GLOD4: variants seen among roughly 807,000 people sequenced by gnomAD.
GLOD4 encodes glyoxalase domain-containing protein 4.
A neutral mutation model predicts 39.1 loss-of-function variants in GLOD4; 44 were observed. That is an observed-to-expected ratio of 1.13 (90% CI 0.88 to 1.45). GLOD4 has a LOEUF of 1.45. Among genes scored for constraint, GLOD4 ranks in the 40% most tolerant of loss-of-function variants. The pLI, the probability that GLOD4 is intolerant of heterozygous loss-of-function variation, is 0.00. For synonymous variants in GLOD4, 145 were observed against 135.0 expected (o/e 1.07, Z -0.52); for missense variants, 405 against 366.4 (o/e 1.11, Z -0.86).
At chr17:768,944 T>TGA (rs1224176796) in intron 8 of GLOD4, among the ~76,000 whole-genome samples, 3 of 152,046 alleles carry the variant, frequency 2.0e-5, no homozygotes, top group Non-Finnish European at 4.4e-5. Flanking sequence ...GGAGAGGATG[T>TGA]GAGAGAGAGA....
chr17:762,695 G>T (rs190166900), intron 8 of GLOD4, among the ~76,000 whole-genome samples: 6 of 140,126 alleles, frequency 4.3e-5, no homozygotes, highest in South Asian at 2.2e-4. Flanking sequence ...TCCAGGCCCC[G>T]GCCTGCACCT....
Position 782,273 on chromosome 17 carries a change from G to A in GLOD4, c.-18C>T. 4 of 1,612,962 alleles carry A rather than the reference G, an allele frequency of 2.5e-6. No homozygotes were observed. The highest frequency in any genetic ancestry group is 3.4e-6 in the Non-Finnish European group (4 of 1,179,346). On this transcript the variant is annotated 5_prime_UTR_variant, in exon 1 of 9. Transcript: ENST00000301329. ...GCAGCCATGATTCCCGCCGCACGCA[G>A]CCGTCACGCGCACCGTACAGCCCAG...
intron 8 of GLOD4, among the ~76,000 whole-genome samples, chr17:768,059 A>G (rs1419313510): frequency 3.4e-5 from 5 of 148,106 alleles, no homozygotes; most frequent in Non-Finnish European, 7.4e-5. Flanking sequence ...GACGTGAGAG[A>G]GAGAAACAGC....
intron 8 of GLOD4, among the ~76,000 whole-genome samples, chr17:765,687 G>A (rs1222100458): frequency 3.3e-5 from 5 of 149,396 alleles, no homozygotes; most frequent in Middle Eastern, 3.4e-3. Context: ...CTTGTGATCC[G>A]CCCGCCTCGG....
chr17:771,289 C>G (rs1275673432), intron 5 of GLOD4, 36 bp downstream of exon 5: 1 of 1,452,538 alleles, frequency 6.9e-7, no homozygotes, highest in East Asian at 2.4e-5. Context: ...AAGCCAAATT[C>G]AAAGTAACAG....
intron 1 of GLOD4, among the ~76,000 whole-genome samples, chr17:780,117 T>C (rs573337747): frequency 1.1e-4 from 16 of 152,068 alleles, no homozygotes; most frequent in African/African-American, 3.4e-4. Context: ...TGAGCCGAGA[T>C]TGCGCCACTG....
At chr17:777,023 A>C in intron 2 of GLOD4, 35 bp from the exon 3 acceptor site, 1 of 1,607,370 alleles carries the variant, frequency 6.2e-7, no homozygotes, top group Non-Finnish European at 8.5e-7. Context: ...CAGTGACTAC[A>C]GACAAGTCAG....
chr17:785,593 G>A (rs943665876), upstream of GLOD4, among the ~76,000 whole-genome samples: 6 of 152,188 alleles, frequency 3.9e-5, no homozygotes, highest in Non-Finnish European at 8.8e-5. Context: ...AAGCTCCCAG[G>A]CTTCTGGACC....
chr17:771,467 G>C lies in GLOD4; in HGVS notation c.407-6C>G, dbSNP rs745555817. 4 of 1,537,066 alleles carry C rather than the reference G, an allele frequency of 2.6e-6. No homozygotes were observed. The East Asian group carries it at 9.1e-5, about 35-fold the overall frequency. ...AGTTACTTTTAATACAGGATCTGTT[G>C]GGTAATAAAGCAGGAATAGACAGAT... On this transcript the variant is annotated splice_region_variant and splice_polypyrimidine_tract_variant and intron_variant, in intron 4 of 8. Coordinates refer to ENST00000301329, the MANE Select transcript of GLOD4 (RefSeq NM_016080.4).
intron 8 of GLOD4, among the ~76,000 whole-genome samples, chr17:762,488 G>A (rs959601958): frequency 3.9e-5 from 5 of 127,810 alleles, no homozygotes; most frequent in Admixed American, 1.5e-4. Context: ...TCCAGGCCCC[G>A]GCCGGCACCT....
intron 3 of GLOD4, 104 bp from the exon 4 acceptor site, chr17:776,023 A>C: frequency 2.4e-6 from 2 of 840,524 alleles, no homozygotes; most frequent in East Asian, 5.1e-5. Flanking sequence ...AGGTAAAATC[A>C]CCTAAGATTT....
chr17:783,311 G>A (rs145139429), upstream of GLOD4: 404 of 1,611,794 alleles, frequency 2.5e-4, no homozygotes, highest in African/African-American at 3.8e-3. Context: ...ACCTCGTAAC[G>A]CCACAAGGAA....
At chr17:770,179 G>A (rs902341073) in intron 6 of GLOD4, 22 bp from the exon 7 acceptor site, 10 of 1,340,364 alleles carry the variant, frequency 7.5e-6, no homozygotes, top group East Asian at 4.6e-5. Flanking sequence ...CAGAGGCAAC[G>A]TGAGCCAGGG....
chr17:768,905 C>T (rs1021172904), intron 8 of GLOD4, among the ~76,000 whole-genome samples: 2 of 149,928 alleles, frequency 1.3e-5, no homozygotes, highest in South Asian at 2.1e-4. Flanking sequence ...AGAAACAGCG[C>T]GCACTCAGAT....
chr17:777,329 C>A (rs1254640376), intron 2 of GLOD4: 1 of 249,764 alleles, frequency 4.0e-6, no homozygotes, highest in African/African-American at 2.2e-5. Flanking sequence ...TTGGACTGTT[C>A]CAACTTGTCA....
At position 768,664 on chromosome 17, in the gene GLOD4, G is replaced by A. The variant is rs192899369; in HGVS notation, c.831+1205C>T. Among the ~76,000 whole-genome samples the A allele has an allele frequency of 3.3e-4, 45 of 137,566 alleles. 1 individual carries two copies. The highest frequency in any genetic ancestry group is 5.6e-4 in the Non-Finnish European group (36 of 64,056). The allele number at this position is 137,566 out of a possible 152,430, so 90.2% of individuals were successfully genotyped here. ...TTAGAAGAAGAAATCTGGAGAGGACGTGAGAGGGAGAAACAGCGCGCACTC... is the reference window on the plus strand; with the variant it reads ...TTAGAAGAAGAAATCTGGAGAGGACATGAGAGGGAGAAACAGCGCGCACTC... On this transcript the variant is annotated intron_variant, in intron 8 of 8. Coordinates refer to ENST00000301329, the MANE Select transcript of GLOD4 (RefSeq NM_016080.4).
At chr17:782,281 G>A (rs373531077), upstream of GLOD4, 11 of 1,612,444 alleles carry the variant, frequency 6.8e-6, no homozygotes, top group Middle Eastern at 1.7e-4. Flanking sequence ...CAGCCGTCAC[G>A]CGCACCGTAC....
chr17:782,311 G>C (rs1355021982), upstream of GLOD4: 1 of 1,610,826 alleles, frequency 6.2e-7, no homozygotes. Flanking sequence ...CACGAAGGGC[G>C]CCACGGGCCG....
rs75027378 is a variant in GLOD4, at chr17:760,228, G to T, written c.842C>A (p.Ala281Glu). The T allele has an allele frequency of 0.017, 26,189 of 1,574,962 alleles. 350 individuals are homozygous for T. The highest frequency in any genetic ancestry group is 0.07 in the East Asian group (3,143 of 44,632). The stretch of plus-strand genomic sequence containing the variant: ...GGCAAACCACTCGTCACTTTTATCT[G>T]CTGCCATTGCCTGTAAAATAGAAAT... Reference protein sequence around the residue: ...GSKLLDDAMAADKSDEWFAKH... With the variant: ...GSKLLDDAMAEDKSDEWFAKH... The change falls in exon 9 of 9, where the codon GCA (alanine) becomes GAA (glutamate). Residue 281 changes from alanine (A) to glutamate (E), a missense_variant. By Grantham distance (107) the Ala-to-Glu change is moderately radical. Coordinates refer to ENST00000301329, the MANE Select transcript of GLOD4 (RefSeq NM_016080.4).
Sources: allele counts gnomAD v4.1 joint callset (sites outside exome capture counted in the v4.1 genomes callset), GRCh38; gene constraint gnomAD v4.1.1; transcripts MANE v1.5; gene names NCBI Gene and HGNC (gene_info 2026-07-23, HGNC 2026-07-21).